CA6: variants seen among roughly 807,000 people sequenced by gnomAD.
The protein encoded by CA6 is carbonic anhydrase 6, also known as carbonate dehydratase VI.
CA6 carries 28 observed loss-of-function variants against 35.9 expected under a neutral mutation model. That is an observed-to-expected ratio of 0.78 (90% CI 0.58 to 1.07). The LOEUF is 1.07. Among genes scored for constraint, CA6 ranks in the 50% least tolerant of loss-of-function variants. The probability of loss-of-function intolerance (pLI) is 0.00; values close to 1 mark genes in which losing one functional copy is unlikely to be tolerated. For missense variants in CA6, 377 were observed against 382.0 expected (o/e 0.99, Z 0.11); for synonymous variants, 148 against 152.6 (o/e 0.97, Z 0.22).
At chr1:8,967,947 G>T (rs2124185646) in intron 6 of CA6, 131 bp downstream of exon 6, 3 of 616,060 alleles carry the variant, frequency 4.9e-6, no homozygotes, top group Admixed American at 3.7e-5. Flanking sequence ...GGGCTACTGT[G>T]CCTCGTCTAG....
At chr1:8,951,094 TA>T (rs1371072875) in intron 2 of CA6, among the ~76,000 whole-genome samples, 1 of 151,914 alleles carries the variant, frequency 6.6e-6, no homozygotes. Context: ...CGCATGCCTG[TA>T]ATCCCAGCTA....
chr1:8,960,789 C>CACACACACACAT (rs59987426), intron 4 of CA6, among the ~76,000 whole-genome samples: 25 of 116,974 alleles, frequency 2.1e-4, no homozygotes, highest in African/African-American at 8.0e-4. Flanking sequence ...CACACACACA[C>CACACACACACAT]ATATATATAA....
rs201453495 is a variant in CA6 at position 8,973,269 on chromosome 1, C to CT, written c.845-1353_845-1352insT. 8.6e-3 allele frequency among the ~76,000 whole-genome samples: 1,312 copies of CT among 152,172 alleles called. 17 individuals carry two copies. Among genetic ancestry groups the CT allele is most frequent in the African/African-American group, 0.03 (1,255 of 41,524 alleles). Reference sequence around the variant, plus strand: ...TCCTGACCTCAGGTGATCCGCCTGCCCGGCCTCCCAAATTGCTGGGATTAC... The same window carrying CT: ...TCCTGACCTCAGGTGATCCGCCTGCCTCGGCCTCCCAAATTGCTGGGATTAC... On this transcript the variant is annotated intron_variant, in intron 7 of 7. Transcript: ENST00000377443.
intron 1 of CA6, among the ~76,000 whole-genome samples, chr1:8,948,403 T>C (rs1410698769): frequency 6.6e-6 from 1 of 152,070 alleles, no homozygotes; most frequent in Non-Finnish European, 1.5e-5. Flanking sequence ...GATGCTTCCT[T>C]AGTTTCCCTG....
intron 5 of CA6, 71 bp downstream of exon 5, chr1:8,962,727 G>T: frequency 7.5e-7 from 1 of 1,338,092 alleles, no homozygotes; most frequent in Non-Finnish European, 1.1e-6. Context: ...GGTGGGCCCA[G>T]GGGGCAGGGG....
rs142508174 is a variant in CA6 at position 8,963,043 on chromosome 1, A to G, written c.571+387A>G. 6.6e-6 allele frequency among the ~76,000 whole-genome samples: 1 copy of G among 152,214 alleles called. No homozygotes were observed. The highest frequency in any genetic ancestry group is 1.5e-5 in the Non-Finnish European group (1 of 68,002). On this transcript the variant is annotated intron_variant, in intron 5 of 7. Transcript: ENST00000377443. This position sits in a 1 kb window ranked among gnomAD's most constrained non-coding sequence, Gnocchi z 4.1. ...TCAAGAGGGAAGCCCTCGTCATACC[A>G]CTTGGACATCCAGACACTCGGGGTG...
intron 2 of CA6, among the ~76,000 whole-genome samples, chr1:8,953,105 A>G (rs1325073375): frequency 6.6e-6 from 1 of 152,116 alleles, no homozygotes; most frequent in Non-Finnish European, 1.5e-5. Flanking sequence ...CCTCTTCCAA[A>G]ATGTCATATG....
chr1:8,955,338 T>G (rs1380198394), intron 2 of CA6, among the ~76,000 whole-genome samples: 1 of 152,198 alleles, frequency 6.6e-6, no homozygotes, highest in African/African-American at 2.4e-5. Flanking sequence ...GTCATGCCAC[T>G]GCACTCCAGG....
At chr1:8,952,293 C>G (rs1478850332) in intron 2 of CA6, 1 of 151,744 alleles carries the variant, frequency 6.6e-6, no homozygotes, top group Non-Finnish European at 1.5e-5. Flanking sequence ...CACACCACCA[C>G]CCCCAGCTAA....
At chr1:8,970,739 G>A (rs2124192270) in intron 6 of CA6, 128 bp from the exon 7 acceptor site, 2 of 696,820 alleles carry the variant, frequency 2.9e-6, no homozygotes, top group Admixed American at 1.9e-5. Context: ...GAGCTCAAGT[G>A]ATCTGCCCGC....
At chr1:8,948,846 T>A (rs1465423212) in intron 1 of CA6, among the ~76,000 whole-genome samples, 1 of 151,840 alleles carries the variant, frequency 6.6e-6, no homozygotes, top group Admixed American at 6.6e-5. Flanking sequence ...GGTGCATGCC[T>A]GTAATCCCAG....
intron 6 of CA6, 93 bp from the exon 7 acceptor site, chr1:8,970,774 T>A (rs906514554): frequency 6.1e-6 from 5 of 823,168 alleles, no homozygotes; most frequent in Non-Finnish European, 1.1e-5. Flanking sequence ...ATGCTGGGAT[T>A]ACAGGCGTGA....
chr1:8,955,913 C>T (rs763855339), intron 2 of CA6, among the ~76,000 whole-genome samples: 13 of 152,210 alleles, frequency 8.5e-5, no homozygotes, highest in Non-Finnish European at 1.2e-4. Flanking sequence ...TTTACAGCCA[C>T]CATTGATGAC....
chr1:8,974,083 C>G (rs189214272), intron 7 of CA6, among the ~76,000 whole-genome samples: 269 of 152,240 alleles, frequency 1.8e-3, no homozygotes, highest in African/African-American at 6.3e-3. Flanking sequence ...CTTCAGCCTC[C>G]CAAAGTGCTG....
At position 8,945,971 on chromosome 1, in the gene CA6, C is replaced by G; in HGVS notation, c.79+6C>G. The G allele has an allele frequency of 1.2e-6, 2 of 1,601,894 alleles. No individual in the cohort carries two copies. The highest frequency in any genetic ancestry group is 1.7e-6 in the Non-Finnish European group (2 of 1,169,098). On this transcript the variant is annotated splice_donor_region_variant and intron_variant, in intron 1 of 7. Transcript: ENST00000377443. ...GTCTGACTGGACCTACTCAGGTGAG[C>G]CCCTAGCTTCTGCATGCTCCCCCAG...
chr1:8,969,382 A>G lies in CA6; in HGVS notation c.730-1485A>G, dbSNP rs1180443485. ...GTTAGATACAGTTTGAGAGAGAATT[A>G]GTAAATTGGAGACAGCCAATAACAT... is the stretch of plus-strand genomic sequence containing the variant. On this transcript the variant is annotated intron_variant, in intron 6 of 7. Transcript: ENST00000377443. Among the ~76,000 whole-genome samples the G allele has an allele frequency of 2.6e-5, 4 of 152,114 alleles. No homozygotes were observed. The East Asian group carries it at 7.7e-4, about 29-fold the overall frequency.
chr1:8,961,534 A>T (rs1035816226), intron 4 of CA6, among the ~76,000 whole-genome samples: 4 of 152,226 alleles, frequency 2.6e-5, no homozygotes, highest in Non-Finnish European at 5.9e-5. Flanking sequence ...TCATTTGAGC[A>T]ACCACTAAGA....
chr1:8,958,503 A>G (rs936700738), intron 3 of CA6, among the ~76,000 whole-genome samples: 1 of 152,152 alleles, frequency 6.6e-6, no homozygotes, highest in Admixed American at 6.5e-5. Context: ...TTTTGCCAGA[A>G]TCCATCCATA....
At chr1:8,948,137 C>T (rs892991012) in intron 1 of CA6, among the ~76,000 whole-genome samples, 3 of 151,990 alleles carry the variant, frequency 2.0e-5, no homozygotes, top group Non-Finnish European at 4.4e-5. Flanking sequence ...CATGAGCCAC[C>T]GTGCCCAGCC....
Sources: gnomAD v4.1 joint callset for allele counts (sites outside exome capture counted in the v4.1 genomes callset) on GRCh38, gnomAD v4.1.1 for gene constraint, Gnocchi (gnomAD v3.1) non-coding constraint, MANE v1.5 for transcripts, NCBI Gene and HGNC (gene_info 2026-07-23, HGNC 2026-07-21) for gene names.